The following TSHR variants were observed in gnomAD, a reference collection of about 807,000 sequenced individuals.
TSHR encodes the protein thyrotropin receptor.
A neutral mutation model predicts 64.1 loss-of-function variants in TSHR; 51 were observed. That is an observed-to-expected ratio of 0.80 (90% CI 0.64 to 1.01). The LOEUF (loss-of-function observed/expected upper bound fraction) is 1.01, where lower values mean the gene tolerates loss of function less well. TSHR is among the 50% of genes least tolerant of loss of function. The pLI is 0.00. For missense variants in TSHR, 877 were observed against 942.8 expected, an observed-to-expected ratio of 0.93 and a Z score of 0.91; for synonymous variants, 361 against 361.9, an observed-to-expected ratio of 1.00 and a Z score of 0.03.
intron 2 of TSHR, among the ~76,000 whole-genome samples, chr14:81,067,910 C>T (rs1886753374): frequency 1.9e-5 from 2 of 105,816 alleles, no homozygotes; most frequent in African/African-American, 1.0e-4. Flanking sequence ...TGTAGTGGAA[C>T]ATTCCACAGG....
intron 1 of TSHR, among the ~76,000 whole-genome samples, chr14:80,989,457 G>A (rs903820070): frequency 7.2e-5 from 11 of 152,098 alleles, no homozygotes; most frequent in African/African-American, 2.4e-4. Context: ...CTTTAATTTA[G>A]ATAACTTAAT....
At chr14:81,076,627 C>G (rs1031689383) in intron 3 of TSHR, among the ~76,000 whole-genome samples, 2 of 152,248 alleles carry the variant, frequency 1.3e-5, no homozygotes, top group Non-Finnish European at 2.9e-5. Flanking sequence ...ACTATACCTT[C>G]TTTCCTCATC....
intron 1 of TSHR, among the ~76,000 whole-genome samples, chr14:81,056,832 T>C (rs1379629457): frequency 6.6e-6 from 1 of 152,218 alleles, no homozygotes; most frequent in Non-Finnish European, 1.5e-5. Flanking sequence ...CACCTTGCAT[T>C]GTAGACATCA....
chr14:80,961,981 G>A (rs1433491573), intron 1 of TSHR, among the ~76,000 whole-genome samples: 1 of 152,082 alleles, frequency 6.6e-6, no homozygotes, highest in African/African-American at 2.4e-5. Context: ...AACTTTATAA[G>A]TACCAGGAAT....
At chr14:81,022,799 C>G (rs562871876) in intron 1 of TSHR, among the ~76,000 whole-genome samples, 1 of 151,662 alleles carries the variant, frequency 6.6e-6, no homozygotes, top group Non-Finnish European at 1.5e-5. Context: ...CCAGCCCGGG[C>G]GACAAAGCGA....
At chr14:81,065,912 A>G (rs1886576832) in intron 2 of TSHR, among the ~76,000 whole-genome samples, 1 of 152,210 alleles carries the variant, frequency 6.6e-6, no homozygotes, top group South Asian at 2.1e-4. Flanking sequence ...TGTTAATGGC[A>G]CCTTGCTTTA....
At chr14:81,091,193 A>G in intron 5 of TSHR, 50 bp downstream of exon 5, 1 of 1,483,364 alleles carries the variant, frequency 6.7e-7, no homozygotes, top group Non-Finnish European at 9.4e-7. Context: ...TGTCACTGAC[A>G]AGAACTAGAA....
At chr14:81,086,073 A>G (rs116617838) in intron 3 of TSHR, among the ~76,000 whole-genome samples, 235 of 152,340 alleles carry the variant, frequency 1.5e-3, no homozygotes, top group African/African-American at 5.4e-3. Flanking sequence ...ATCATGACAT[A>G]ATAGTTTAGG....
At chr14:81,006,241 A>G (rs937775573) in intron 1 of TSHR, among the ~76,000 whole-genome samples, 2 of 152,212 alleles carry the variant, frequency 1.3e-5, no homozygotes, top group Non-Finnish European at 2.9e-5. Context: ...ACAAAGCCCC[A>G]CAGACTGGGT....
intron 2 of TSHR, among the ~76,000 whole-genome samples, chr14:81,063,435 T>C (rs1419848405): frequency 6.6e-6 from 1 of 152,172 alleles, no homozygotes; most frequent in Non-Finnish European, 1.5e-5. Context: ...CACTTGGATG[T>C]CCCACAGGCT....
In TSHR at chr14:80,979,351, C is replaced by T. The variant is rs372896741; in HGVS notation, c.170+23501C>T. Among the ~76,000 whole-genome samples the T allele has an allele frequency of 3.4e-4, 50 of 145,354 alleles. No homozygotes were observed. The South Asian group carries it at 0.011, about 31-fold the overall frequency. On this transcript the variant is annotated intron_variant, in intron 1 of 9. Transcript: ENST00000298171. ...GAAGCAGAGAGTAGGATAGTGGTTA[C>T]CAAAGGCTGTGCAGAGGGTAGGGGG...
At chr14:81,076,255 C>T (rs967192889) in intron 3 of TSHR, among the ~76,000 whole-genome samples, 1 of 152,166 alleles carries the variant, frequency 6.6e-6, no homozygotes, top group East Asian at 1.9e-4. Flanking sequence ...TCCTATCATG[C>T]TGGTCAGTCT....
intron 6 of TSHR, chr14:81,095,466 A>C (rs569023410): frequency 1.3e-5 from 2 of 152,486 alleles, no homozygotes; most frequent in Admixed American, 6.5e-5. Context: ...CCAGCTACTC[A>C]GGAGGCTGAG....
intron 8 of TSHR, among the ~76,000 whole-genome samples, chr14:81,113,078 G>C (rs1002773622): frequency 6.6e-6 from 1 of 152,176 alleles, no homozygotes; most frequent in African/African-American, 2.4e-5. Context: ...GAACATGCCG[G>C]CTGTTGTGTT....
At chr14:81,095,227 G>A (rs1288095403) in intron 6 of TSHR, among the ~76,000 whole-genome samples, 1 of 152,132 alleles carries the variant, frequency 6.6e-6, no homozygotes, top group Non-Finnish European at 1.5e-5. Context: ...CAAGGCTGGG[G>A]CTCCTTCTCC....
chr14:81,143,473 C>T lies in TSHR; in HGVS notation c.1415C>T (p.Ser472Phe). The T allele has an allele frequency of 6.2e-7, 1 of 1,614,196 alleles. No homozygotes were observed. The highest frequency in any genetic ancestry group is 8.5e-7 in the Non-Finnish European group (1 of 1,180,050). Residue 472 changes from serine (S) to phenylalanine (F), a missense_variant, in exon 10 of 10, where the codon TCT becomes TTT. Physicochemically the swap from Ser to Phe is radical, Grantham distance 155 (BLOSUM62 -2). Transcript: ENST00000298171. The part of the protein sequence containing the change: ...CMGMYLLLIA[S>F]VDLYTHSEYY... Reference sequence around the variant, plus strand: ...GGGATGTACCTGCTCCTCATCGCCTCTGTAGACCTCTACACTCACTCTGAG... The same window carrying T: ...GGGATGTACCTGCTCCTCATCGCCTTTGTAGACCTCTACACTCACTCTGAG...
intron 8 of TSHR, among the ~76,000 whole-genome samples, chr14:81,125,578 G>A (rs1890987266): frequency 6.6e-6 from 1 of 152,078 alleles, no homozygotes; most frequent in African/African-American, 2.4e-5. Context: ...CCCTCTGAGG[G>A]GAGGGAAATT....
chr14:81,040,692 C>T (rs1164577604), intron 1 of TSHR, among the ~76,000 whole-genome samples: 3 of 152,054 alleles, frequency 2.0e-5, no homozygotes, highest in Middle Eastern at 3.2e-3. Flanking sequence ...AGAGCTTTGG[C>T]ACAGCAAAAG....
At chr14:80,973,403 CAAAAAAAAAA>C (rs58316010) in intron 1 of TSHR, among the ~76,000 whole-genome samples, 1,218 of 51,464 alleles carry the variant, frequency 0.024, 59 homozygotes, top group African/African-American at 0.087. Flanking sequence ...GACGCTGTCT[CAAAAAAAAAA>C]AAAAAAAAAA....
Sources: gnomAD v4.1 joint callset for allele counts (sites outside exome capture counted in the v4.1 genomes callset) on GRCh38, gnomAD v4.1.1 for gene constraint, MANE v1.5 for transcripts, NCBI Gene and HGNC (gene_info 2026-07-23, HGNC 2026-07-21) for gene names.